ESYT2: variants seen among roughly 807,000 people sequenced by gnomAD.
ESYT2 encodes the protein extended synaptotagmin 2.
In ESYT2, 54 loss-of-function variants were observed where a neutral mutation model predicts 107.2. That is an observed-to-expected ratio of 0.50 (90% CI 0.40 to 0.63). The LOEUF is 0.63. ESYT2 is among the 30% of genes least tolerant of loss of function. The probability of loss-of-function intolerance (pLI) is 0.00; values close to 1 mark genes in which losing one functional copy is unlikely to be tolerated. For synonymous variants in ESYT2, 491 were observed against 434.1 expected, an observed-to-expected ratio of 1.13 and a Z score of -1.63; for missense variants, 1,020 against 1,094.5, an observed-to-expected ratio of 0.93 and a Z score of 0.96.
At chr7:158,761,303 C>T (rs1020665640) in intron 11 of ESYT2, among the ~76,000 whole-genome samples, 193 bp downstream of exon 11, 1 of 152,210 alleles carries the variant, frequency 6.6e-6, no homozygotes, top group African/African-American at 2.4e-5. Context: ...TGAATGGACT[C>T]TTAAATTTAT....
chr7:158,778,284 C>T (rs1489925769), intron 6 of ESYT2, among the ~76,000 whole-genome samples: 1 of 151,974 alleles, frequency 6.6e-6, no homozygotes, highest in Non-Finnish European at 1.5e-5. Flanking sequence ...TAATATGGTT[C>T]CAAGTAGCTA....
chr7:158,760,065 A>C lies in ESYT2; in HGVS notation c.1316T>G (p.Leu439Arg), dbSNP rs778027027. ...WLTLMPNASN[L>R]DKVLTDIKAD... Reference sequence around the variant, plus strand: ...CACATGCTTCAACAGCACCTTGTCGAGGTTTGACGCATTTGGCATTAACGT... The same window carrying C: ...CACATGCTTCAACAGCACCTTGTCGCGGTTTGACGCATTTGGCATTAACGT... The change falls in exon 12 of 23, where the codon CTC (leucine) becomes CGC (arginine). Residue 439 changes from leucine (L) to arginine (R), a missense_variant. Coordinates refer to ENST00000275418, the MANE Select transcript of ESYT2 (RefSeq NM_001367773.1). 6.2e-7 allele frequency: 1 copy of C among 1,614,212 alleles called. No homozygotes were observed. Among genetic ancestry groups the C allele is most frequent in the Non-Finnish European group, 8.5e-7 (1 of 1,180,028 alleles).
chr7:158,734,157 G>C lies in ESYT2; in HGVS notation c.*50C>G. 2 of 1,602,324 alleles carry C rather than the reference G, an allele frequency of 1.2e-6. No homozygotes were observed. On this transcript the variant is annotated 3_prime_UTR_variant, in exon 23 of 23. Transcript: ENST00000275418. ...GTACGTCTGTGAGAGGGTGTGTTCC[G>C]GGTAGAGGTGGAGAGCTACGCTGAA...
intron 1 of ESYT2, among the ~76,000 whole-genome samples, chr7:158,810,688 G>GAAA (rs35849036): frequency 0.11 from 16,627 of 149,324 alleles, 1,488 homozygotes; most frequent in East Asian, 0.5. Flanking sequence ...TCTTGGGGGG[G>GAAA]AAAAAAAAAG....
chr7:158,759,925 G>T, intron 12 of ESYT2, 133 bp downstream of exon 12: 1 of 765,162 alleles, frequency 1.3e-6, no homozygotes, highest in Non-Finnish European at 2.2e-6. Context: ...CTACTGTAGT[G>T]ACTTATTACA....
At chr7:158,781,265 AAGTG>A (rs1486996821) in intron 6 of ESYT2, among the ~76,000 whole-genome samples, 2 of 149,204 alleles carry the variant, frequency 1.3e-5, no homozygotes, top group Admixed American at 6.8e-5. Flanking sequence ...GTGAGTGAAC[AAGTG>A]AGTGAACGAG....
chr7:158,789,309 G>A (rs1423203356), intron 4 of ESYT2, among the ~76,000 whole-genome samples: 2 of 152,000 alleles, frequency 1.3e-5, no homozygotes, highest in Admixed American at 6.6e-5. Flanking sequence ...AACCTGTTGC[G>A]AAACTATTAA....
chr7:158,741,312 C>T (rs1412129091), intron 18 of ESYT2, among the ~76,000 whole-genome samples: 2 of 152,164 alleles, frequency 1.3e-5, no homozygotes, highest in Non-Finnish European at 2.9e-5. Flanking sequence ...ATGACTAAAT[C>T]CTAGAAAATG....
intron 6 of ESYT2, among the ~76,000 whole-genome samples, chr7:158,786,260 A>C (rs763560904): frequency 2.4e-4 from 37 of 152,330 alleles, no homozygotes; most frequent in Non-Finnish European, 4.7e-4. Flanking sequence ...TTACATTCTG[A>C]AATGAACTTT....
chr7:158,814,340 TATATATGA>T (rs1840087659), intron 1 of ESYT2, among the ~76,000 whole-genome samples: 1 of 2,860 alleles, frequency 3.5e-4, no homozygotes, highest in African/African-American at 1.1e-3. Context: ...TATATATATA[TATATATGA>T]AATAATATAC....
rs1398317497 is a variant in ESYT2 at position 158,804,802 on chromosome 7, G to A, written c.331-5730C>T. Among the ~76,000 whole-genome samples, 4 of 151,828 alleles carry A rather than the reference G, an allele frequency of 2.6e-5. No homozygotes were observed. The East Asian group carries it at 7.7e-4, about 29-fold the overall frequency. On this transcript the variant is annotated intron_variant, in intron 1 of 22. Transcript: ENST00000275418. Reference sequence around the variant, plus strand: ...AAACCCAAACTGTTGAGAAAGGTGAGGCGCGTGAAAAACACAAGCTGCCGA... The same window carrying A: ...AAACCCAAACTGTTGAGAAAGGTGAAGCGCGTGAAAAACACAAGCTGCCGA...
At chr7:158,779,072 G>A (rs138377986) in intron 6 of ESYT2, among the ~76,000 whole-genome samples, 6 of 152,126 alleles carry the variant, frequency 3.9e-5, no homozygotes, top group African/African-American at 1.2e-4. Flanking sequence ...TCCATAAATG[G>A]GTAGTATTAA....
At chr7:158,781,234 TAAG>T (rs1238843509) in intron 6 of ESYT2, among the ~76,000 whole-genome samples, 2 of 151,614 alleles carry the variant, frequency 1.3e-5, no homozygotes, top group South Asian at 2.1e-4. Context: ...GAGGTGTGTG[TAAG>T]AATGAGTGAG....
chr7:158,785,786 T>TC (rs1477963267), intron 6 of ESYT2, among the ~76,000 whole-genome samples: 3 of 152,188 alleles, frequency 2.0e-5, no homozygotes, highest in Non-Finnish European at 4.4e-5. Flanking sequence ...CACTCCAACT[T>TC]CGTCACCTCA....
chr7:158,827,162 C>CAAA (rs34940580), intron 1 of ESYT2, among the ~76,000 whole-genome samples: 3,862 of 105,916 alleles, frequency 0.036, 179 homozygotes, highest in East Asian at 0.16. Flanking sequence ...GGCTCTGTCT[C>CAAA]AAAAAAAAAA....
intron 1 of ESYT2, among the ~76,000 whole-genome samples, chr7:158,816,243 G>C (rs568932780): frequency 2.6e-5 from 4 of 152,242 alleles, no homozygotes; most frequent in African/African-American, 9.6e-5. Context: ...CCAGATACTC[G>C]AGAGGCTGAA....
intron 1 of ESYT2, among the ~76,000 whole-genome samples, 175 bp from the exon 2 acceptor site, chr7:158,799,247 GC>G (rs1297069647): frequency 6.6e-6 from 1 of 152,158 alleles, no homozygotes; most frequent in Non-Finnish European, 1.5e-5. Context: ...GAAATGCATG[GC>G]ACCCCAGCTC....
At chr7:158,762,108 C>T (rs1045094494) in intron 10 of ESYT2, among the ~76,000 whole-genome samples, 6 of 152,028 alleles carry the variant, frequency 3.9e-5, no homozygotes, top group African/African-American at 7.3e-5. Flanking sequence ...GGCCCATTCC[C>T]GTTCCCCTAA....
At chr7:158,758,459 G>A (rs1837842804) in intron 13 of ESYT2, among the ~76,000 whole-genome samples, 1 of 152,152 alleles carries the variant, frequency 6.6e-6, no homozygotes, top group South Asian at 2.1e-4. Flanking sequence ...GTCAAGAAGT[G>A]AGTTAAACGC....
Sources: gnomAD v4.1 joint callset for allele counts (sites outside exome capture counted in the v4.1 genomes callset) on GRCh38, gnomAD v4.1.1 for gene constraint, MANE v1.5 for transcripts, NCBI Gene and HGNC (gene_info 2026-07-23, HGNC 2026-07-21) for gene names.